GLYATL2: variants seen among roughly 807,000 people sequenced by gnomAD.
GLYATL2 encodes glycine N-acyltransferase-like protein 2.
A neutral mutation model predicts 21.4 loss-of-function variants in GLYATL2; 25 were observed. That is an observed-to-expected ratio of 1.17 (90% CI 0.85 to 1.63). The LOEUF is 1.63. Among genes scored for constraint, GLYATL2 ranks in the 40% most tolerant of loss-of-function variants. The probability of loss-of-function intolerance (pLI) is 0.00; values close to 1 mark genes in which losing one functional copy is unlikely to be tolerated. For missense variants in GLYATL2, 361 were observed against 343.3 expected (o/e 1.05, Z -0.41); for synonymous variants, 114 against 118.2 (o/e 0.96, Z 0.23).
Position 58,837,206 on chromosome 11 carries a change from T to C in GLYATL2, c.314-29A>G, listed in dbSNP as rs753004355. ...GAGAAAGGAGAAAGACAAGTACCAC[T>C]TTATGCCTTCCATATCGGCTAGGAA... is the stretch of plus-strand genomic sequence containing the variant. On this transcript the variant is annotated intron_variant, in intron 4 of 5. Transcript: ENST00000287275. 9.9e-6 allele frequency: 16 copies of C among 1,613,012 alleles called. No homozygotes were observed. The Admixed American group carries it at 2.7e-4, about 27-fold the overall frequency.
chr11:58,856,790 C>T (rs952834791), intron 1 of GLYATL2, among the ~76,000 whole-genome samples: 5 of 152,124 alleles, frequency 3.3e-5, no homozygotes, highest in African/African-American at 1.2e-4. Context: ...TCAAAACTCA[C>T]TGATCACAGA....
At chr11:58,850,154 T>G (rs957615885) in intron 1 of GLYATL2, among the ~76,000 whole-genome samples, 21 of 152,176 alleles carry the variant, frequency 1.4e-4, no homozygotes, top group African/African-American at 5.1e-4. Context: ...GGCATCTTTG[T>G]TGTGTTCCAG....
chr11:58,848,435 A>C (rs1425064220), upstream of GLYATL2, among the ~76,000 whole-genome samples: 4 of 152,188 alleles, frequency 2.6e-5, no homozygotes, highest in Non-Finnish European at 5.9e-5. Flanking sequence ...GTGTTGAGGA[A>C]ACTCAAAGAA....
chr11:58,873,276 T>G (rs1181998010), intron 1 of GLYATL2, among the ~76,000 whole-genome samples: 1 of 151,884 alleles, frequency 6.6e-6, no homozygotes, highest in Non-Finnish European at 1.5e-5. Context: ...ATACCCTTTA[T>G]TTCCTTCTCC....
At chr11:58,838,165 G>A (rs192345530) in intron 3 of GLYATL2, 96 bp downstream of exon 3, 107 of 774,180 alleles carry the variant, frequency 1.4e-4, no homozygotes, top group Middle Eastern at 2.4e-4. Flanking sequence ...CAGTGTCAAT[G>A]TTCTTCTCAC....
At chr11:58,855,353 A>G (rs1853810398) in intron 1 of GLYATL2, among the ~76,000 whole-genome samples, 1 of 152,228 alleles carries the variant, frequency 6.6e-6, no homozygotes, top group Non-Finnish European at 1.5e-5. Flanking sequence ...TCTTGAATGA[A>G]TAGGTGCTTT....
intron 1 of GLYATL2, chr11:58,885,601 C>A: frequency 3.0e-6 from 1 of 328,350 alleles, no homozygotes; most frequent in Middle Eastern, 1.0e-3. Flanking sequence ...GAGGAACTGA[C>A]CATTTCAGAC....
upstream of GLYATL2, among the ~76,000 whole-genome samples, chr11:58,848,942 A>G (rs1853690746): frequency 6.6e-6 from 1 of 152,188 alleles, no homozygotes; most frequent in Non-Finnish European, 1.5e-5. Context: ...AAGAAACATA[A>G]AAGCAGCAAG....
chr11:58,847,544 CT>C (rs2134583762), upstream of GLYATL2, among the ~76,000 whole-genome samples: 1 of 152,290 alleles, frequency 6.6e-6, no homozygotes, highest in East Asian at 1.9e-4. Context: ...TAAGAGAACA[CT>C]GGTTGGTAGT....
intron 1 of GLYATL2, among the ~76,000 whole-genome samples, chr11:58,900,920 T>G (rs1321846137): frequency 8.0e-6 from 1 of 124,886 alleles, no homozygotes; most frequent in Non-Finnish European, 1.8e-5. Context: ...CACCTCCCGC[T>G]TTTCTTCCCT....
intron 1 of GLYATL2, among the ~76,000 whole-genome samples, chr11:58,901,615 G>C (rs1041610952): frequency 3.3e-5 from 5 of 151,798 alleles, no homozygotes; most frequent in African/African-American, 1.2e-4. Context: ...TTTGCTCAAG[G>C]TCTCCCTGCA....
chr11:58,849,853 T>A (rs1488383256), intron 1 of GLYATL2, among the ~76,000 whole-genome samples: 1 of 151,976 alleles, frequency 6.6e-6, no homozygotes, highest in African/African-American at 2.4e-5. Context: ...GGTTGATGGG[T>A]GCAGCAAACT....
intron 1 of GLYATL2, among the ~76,000 whole-genome samples, chr11:58,880,048 C>T (rs1854305516): frequency 1.3e-5 from 2 of 151,806 alleles, no homozygotes; most frequent in African/African-American, 4.8e-5. Context: ...TTAGTAGAGA[C>T]GGGGTTTCAC....
intron 5 of GLYATL2, among the ~76,000 whole-genome samples, chr11:58,836,510 T>C (rs887196996): frequency 6.6e-6 from 1 of 152,178 alleles, no homozygotes; most frequent in African/African-American, 2.4e-5. Context: ...CAGATATATT[T>C]ACACAACTGT....
rs1259663796 is a variant in GLYATL2, at chr11:58,881,429, A to G, written n.60+22727T>C. Among the ~76,000 whole-genome samples, 6 of 152,330 alleles carry G rather than the reference A, an allele frequency of 3.9e-5. No individual in the cohort carries two copies. The South Asian group carries it at 1.0e-3, about 26-fold the overall frequency. On this transcript the variant is annotated intron_variant and non_coding_transcript_variant, in intron 1 of 4. Coordinates refer to the GLYATL2 transcript ENST00000533636. ...GTTATTTCAACGGAAGTTTACAGATATGTGTCAAAATTATTCATTTTTTTT... is the reference window on the plus strand; with the variant it reads ...GTTATTTCAACGGAAGTTTACAGATGTGTGTCAAAATTATTCATTTTTTTT...
upstream of GLYATL2, among the ~76,000 whole-genome samples, chr11:58,846,037 G>A (rs183335973): frequency 2.0e-5 from 3 of 152,164 alleles, no homozygotes; most frequent in African/African-American, 7.2e-5. Flanking sequence ...AATTGTAAAC[G>A]ATTATTTTGT....
At chr11:58,889,844 G>A (rs1854509707) in intron 1 of GLYATL2, among the ~76,000 whole-genome samples, 1 of 152,116 alleles carries the variant, frequency 6.6e-6, no homozygotes, top group Admixed American at 6.5e-5. Context: ...GGCATTAGGA[G>A]CTTTTCATCT....
upstream of GLYATL2, among the ~76,000 whole-genome samples, chr11:58,846,189 T>C (rs946838773): frequency 8.5e-5 from 13 of 152,208 alleles, no homozygotes; most frequent in African/African-American, 3.1e-4. Context: ...ACATATTTTT[T>C]TTCTATACTG....
intron 1 of GLYATL2, among the ~76,000 whole-genome samples, chr11:58,880,109 C>T (rs376481173): frequency 2.6e-5 from 4 of 152,130 alleles, no homozygotes; most frequent in East Asian, 1.9e-4. Context: ...CCGCCCACCT[C>T]GGCCTCCCAA....
Sources: gnomAD v4.1 joint callset for allele counts (sites outside exome capture counted in the v4.1 genomes callset) on GRCh38, gnomAD v4.1.1 for gene constraint, MANE v1.5 for transcripts, NCBI Gene and HGNC (gene_info 2026-07-23, HGNC 2026-07-21) for gene names.